The following ADGRG2 variants were observed in gnomAD, a reference collection of about 807,000 sequenced individuals.
ADGRG2 encodes adhesion G protein-coupled receptor G2.
In ADGRG2, 26 loss-of-function variants were observed where a neutral mutation model predicts 74.1. The observed-to-expected ratio is 0.35, with a 90% CI of 0.26 to 0.49. The LOEUF (loss-of-function observed/expected upper bound fraction) is 0.49. ADGRG2 is among the 20% of genes least tolerant of loss of function. The probability of loss-of-function intolerance (pLI) is 0.99; values close to 1 mark genes in which losing one functional copy is unlikely to be tolerated. For missense variants in ADGRG2, 619 were observed against 763.1 expected, an observed-to-expected ratio of 0.81 and a Z score of 2.22; for synonymous variants, 296 against 295.2, an observed-to-expected ratio of 1.00 and a Z score of -0.03.
intron 3 of ADGRG2, among the ~76,000 whole-genome samples, chrX:19,067,015 C>A (rs1278987049): frequency 8.9e-6 from 1 of 111,889 alleles, no homozygotes; most frequent in East Asian, 2.8e-4. Flanking sequence ...TATACGGTCA[C>A]TTTGAGGCAG....
intron 1 of ADGRG2, among the ~76,000 whole-genome samples, chrX:19,102,303 G>A (rs1230694094): frequency 9.0e-6 from 1 of 110,623 alleles, no homozygotes; most frequent in African/African-American, 3.3e-5. Context: ...TATTTTAAGG[G>A]GTATTTTGCA....
chrX:19,033,876 G>A (rs1337076627), intron 7 of ADGRG2: 1 of 292,358 alleles, frequency 3.4e-6, no homozygotes, highest in Non-Finnish European at 6.0e-6. Flanking sequence ...CCATGTTTAC[G>A]CAGTTAGATC....
rs142783017 is a variant in ADGRG2 at position 19,074,146 on chromosome X, C to T, written c.-1-5311G>A. 3.7e-3 allele frequency among the ~76,000 whole-genome samples: 416 copies of T among 111,358 alleles called. 5 individuals are homozygous for T. Among genetic ancestry groups the T allele is most frequent in the Non-Finnish European group, 7.9e-4 (42 of 53,040 alleles). On this transcript the variant is annotated intron_variant, in intron 2 of 28. Transcript: ENST00000379869. ...GAAAAAAAAAATGTCTTCAGTGTTC[C>T]GGGAATATGTTGGGTTAGGTTAGTT... is the stretch of plus-strand genomic sequence containing the variant.
In ADGRG2 at chrX:18,995,036, G is replaced by A. The variant is rs377045888; in HGVS notation, c.2729C>T (p.Thr910Ile). The A allele has an allele frequency of 5.0e-5, 60 of 1,198,444 alleles. No homozygotes were observed. The highest frequency in any genetic ancestry group is 6.8e-5 in the Non-Finnish European group (60 of 886,562). ...RLAENSDWSKTATNGLKKQTV... is the reference protein window; with the variant it reads ...RLAENSDWSKIATNGLKKQTV... ...CTGCTTCTTTAAACCATTAGTAGCA[G>A]TTTTACTCCAGTCTACAGCAGAATA... The change falls in exon 28 of 29, where the codon ACT (threonine) becomes ATT (isoleucine). Residue 910 changes from threonine to isoleucine, a missense_variant. Around this residue, in one of 3 missense-constraint regions of ADGRG2, gnomAD observed 106 missense variants for 104.5 expected, o/e 1.01. Coordinates refer to ENST00000379869, the MANE Select transcript of ADGRG2 (RefSeq NM_001079858.3).
intron 3 of ADGRG2, among the ~76,000 whole-genome samples, chrX:19,046,914 C>T (rs2061203794): frequency 9.0e-6 from 1 of 111,504 alleles, no homozygotes; most frequent in Admixed American, 9.5e-5. Context: ...ACCCACTGGC[C>T]GAACCTAGCT....
chrX:19,061,445 G>T (rs1006401290), intron 3 of ADGRG2, among the ~76,000 whole-genome samples: 2 of 112,183 alleles, frequency 1.8e-5, no homozygotes, highest in Non-Finnish European at 1.9e-5. Context: ...GAGGATCAGA[G>T]TTCAAGATAT....
At chrX:19,090,444 C>T (rs894115645) in intron 1 of ADGRG2, among the ~76,000 whole-genome samples, 9 of 111,763 alleles carry the variant, frequency 8.1e-5, no homozygotes, top group South Asian at 3.7e-4. Flanking sequence ...CCCTCCCTCA[C>T]GTGGCTGCGC....
chrX:19,002,020 T>C (rs947855567), intron 24 of ADGRG2, among the ~76,000 whole-genome samples: 1 of 111,265 alleles, frequency 9.0e-6, no homozygotes, highest in African/African-American at 3.3e-5. Context: ...AAGGACTCTC[T>C]GGCAGAAGAG....
At chrX:19,080,315 C>T (rs887312300) in intron 2 of ADGRG2, among the ~76,000 whole-genome samples, 1 of 111,353 alleles carries the variant, frequency 9.0e-6, no homozygotes, top group Admixed American at 9.6e-5. Flanking sequence ...AATTATCCAA[C>T]GCAAGGTGAA....
At chrX:19,108,360 G>C (rs780933954) in intron 1 of ADGRG2, among the ~76,000 whole-genome samples, 1 of 111,286 alleles carries the variant, frequency 9.0e-6, no homozygotes, top group Non-Finnish European at 1.9e-5. Flanking sequence ...ATTGCATTCA[G>C]AGGAGAAAAT....
At chrX:19,045,271 C>A (rs984130914) in intron 3 of ADGRG2, among the ~76,000 whole-genome samples, 1 of 100,856 alleles carries the variant, frequency 9.9e-6, no homozygotes, top group Non-Finnish European at 2.0e-5. Flanking sequence ...AGACCATAAT[C>A]GAATACAGAA....
intron 1 of ADGRG2, among the ~76,000 whole-genome samples, chrX:19,099,044 C>T (rs776689139): frequency 2.7e-5 from 3 of 111,643 alleles, no homozygotes; most frequent in South Asian, 7.6e-4. Context: ...ATTAGCCAGG[C>T]GTGGTAGCAG....
intron 25 of ADGRG2, 21 bp from the exon 26 acceptor site, chrX:18,999,300 G>GA: frequency 8.8e-7 from 1 of 1,139,349 alleles, no homozygotes; most frequent in South Asian, 2.0e-5. Flanking sequence ...TGGAGGGGGG[G>GA]AAACAGGGGA....
intron 3 of ADGRG2, among the ~76,000 whole-genome samples, chrX:19,049,455 T>TTTTTTTTTTTTTTTTTTCTTTTTTTTG (rs1328733136): frequency 1.1e-5 from 1 of 91,003 alleles, no homozygotes; most frequent in African/African-American, 4.8e-5. Flanking sequence ...TTTTTTTTTT[T>TTTTTTTTTTTTTTTTTTCTTTTTTTTG]TTGTTGTTGT....
In ADGRG2 at chrX:19,035,255, G is replaced by GC. The variant is rs751887798; in HGVS notation, c.262+686dup. 4.4e-5 allele frequency: 5 copies of GC among 112,402 alleles called. No individual in the cohort carries two copies. In the East Asian group the frequency reaches 1.4e-3, roughly 31 times the overall value. The allele number at this position is 112,402 out of a possible 1,213,427, so 9.3% of individuals were successfully genotyped here. Reference sequence around the variant, plus strand: ...TCAAGAGTCTTACAATATTCATACTGCTGACCCTTAGAATGCAATCCTTGC... The same window carrying GC: ...TCAAGAGTCTTACAATATTCATACTGCCTGACCCTTAGAATGCAATCCTTGC... On this transcript the variant is annotated intron_variant, in intron 7 of 28. Coordinates refer to ENST00000379869, the MANE Select transcript of ADGRG2 (RefSeq NM_001079858.3).
chrX:19,075,441 A>AC (rs1251328400), intron 2 of ADGRG2, among the ~76,000 whole-genome samples: 14 of 107,588 alleles, frequency 1.3e-4, no homozygotes, highest in Non-Finnish European at 2.3e-4. Flanking sequence ...ACGAGGCGGA[A>AC]CCCCCGTCTC....
At chrX:19,121,559 G>A (rs1021519956) in intron 1 of ADGRG2, among the ~76,000 whole-genome samples, 1 of 110,877 alleles carries the variant, frequency 9.0e-6, no homozygotes, top group African/African-American at 3.3e-5. Flanking sequence ...TCAGCCTGCT[G>A]GACAAAAAGT....
At chrX:19,114,071 CAAAAAAAAAA>C (rs60491802) in intron 1 of ADGRG2, among the ~76,000 whole-genome samples, 1 of 27,020 alleles carries the variant, frequency 3.7e-5, no homozygotes, top group African/African-American at 1.1e-4. Flanking sequence ...GAATCTGTCT[CAAAAAAAAAA>C]AAAAAAAAGT....
chrX:19,010,758 T>C lies in ADGRG2; in HGVS notation c.1120A>G (p.Ile374Val). 4 of 1,201,548 alleles carry C rather than the reference T, an allele frequency of 3.3e-6. No homozygotes were observed. Among genetic ancestry groups the C allele is most frequent in the Non-Finnish European group, 4.5e-6 (4 of 888,715 alleles). ...VQTDIVNTSSISDLENQVLQM... is the reference protein window; with the variant it reads ...VQTDIVNTSSVSDLENQVLQM... ...AACACTTGGTTCTCAAGATCAGAAA[T>C]ACTGCTGGTGTTGACGATGTCTATA... Residue 374 changes from isoleucine (I) to valine (V), a missense_variant, in exon 17 of 29, where the codon ATT (isoleucine) becomes GTT (valine). Ile to Val is a conservative substitution (Grantham distance 29). Coordinates refer to ENST00000379869, the MANE Select transcript of ADGRG2 (RefSeq NM_001079858.3).
Sources: gnomAD v4.1 joint callset for allele counts (sites outside exome capture counted in the v4.1 genomes callset) on GRCh38, gnomAD v4.1.1 for gene constraint, gnomAD v4.1.1 regional missense constraint, MANE v1.5 for transcripts, NCBI Gene and HGNC (gene_info 2026-07-23, HGNC 2026-07-21) for gene names.